ATF1: variants seen among roughly 807,000 people sequenced by gnomAD.
The protein encoded by ATF1 is cyclic AMP-dependent transcription factor ATF-1.
In ATF1, 16 loss-of-function variants were observed where a neutral mutation model predicts 34.7. The observed-to-expected ratio is 0.46, with a 90% confidence interval of 0.31 to 0.70. The LOEUF (loss-of-function observed/expected upper bound fraction) is 0.70, where lower values mean the gene tolerates loss of function less well. ATF1 is among the 30% of genes least tolerant of loss of function. The pLI is 0.05. For missense variants in ATF1, 255 were observed against 321.6 expected (o/e 0.79, Z 1.58); for synonymous variants, 105 against 113.1 (o/e 0.93, Z 0.46).
rs113892363 is a variant in ATF1, at chr12:50,784,877, T to A, written c.93+4639T>A. On this transcript the variant is annotated intron_variant, in intron 2 of 6. Transcript: ENST00000262053. ...TTTGGATTGGATGTGGAGTTTTATTTTTTATTTATTTATTTATTTATTATT... is the reference window on the plus strand; with the variant it reads ...TTTGGATTGGATGTGGAGTTTTATTATTTATTTATTTATTTATTTATTATT... 6.3e-3 allele frequency among the ~76,000 whole-genome samples: 946 copies of A among 151,318 alleles called. 7 individuals are homozygous for A. The highest frequency in any genetic ancestry group is 0.021 in the African/African-American group (883 of 41,384).
chr12:50,780,061 A>T lies in ATF1; in HGVS notation c.-6-79A>T. 8.5e-6 allele frequency: 9 copies of T among 1,062,576 alleles called. No homozygotes were observed. In the South Asian group the frequency reaches 1.4e-4, roughly 17 times the overall value. The allele number at this position is 1,062,576 out of a possible 1,614,324, so 65.8% of individuals were successfully genotyped here. On this transcript the variant is annotated intron_variant, in intron 1 of 6. Coordinates refer to ENST00000262053, the MANE Select transcript of ATF1 (RefSeq NM_005171.5). ...TTTCCATTGAGGCAACTAAATGATC[A>T]ATTTTTATATGATTCTATAGTATAC...
intron 3 of ATF1, among the ~76,000 whole-genome samples, chr12:50,803,946 A>T (rs1439300890): frequency 6.6e-6 from 1 of 152,202 alleles, no homozygotes; most frequent in Non-Finnish European, 1.5e-5. Flanking sequence ...CTTGGGAGAG[A>T]GGACAGAAGA....
At chr12:50,798,319 T>G (rs547302952) in intron 3 of ATF1, among the ~76,000 whole-genome samples, 2 of 151,766 alleles carry the variant, frequency 1.3e-5, no homozygotes, top group East Asian at 1.9e-4. Flanking sequence ...GGTTGTTGTT[T>G]TTTTTTTGAG....
chr12:50,799,666 A>C (rs1941476400), intron 3 of ATF1, among the ~76,000 whole-genome samples: 1 of 152,212 alleles, frequency 6.6e-6, no homozygotes, highest in Non-Finnish European at 1.5e-5. Flanking sequence ...CCAAAAATAG[A>C]GCATATAAAG....
chr12:50,798,386 G>A (rs1941451150), intron 3 of ATF1, among the ~76,000 whole-genome samples: 1 of 151,314 alleles, frequency 6.6e-6, no homozygotes, highest in South Asian at 2.1e-4. Flanking sequence ...TCGGCTCACT[G>A]CAAGCTCCGC....
intron 1 of ATF1, among the ~76,000 whole-genome samples, chr12:50,776,730 A>G (rs1306319772): frequency 6.6e-6 from 1 of 152,202 alleles, no homozygotes; most frequent in Non-Finnish European, 1.5e-5. Context: ...ACATTAAGTA[A>G]TTCTCTTTTT....
At chr12:50,787,921 T>C (rs927540744) in intron 2 of ATF1, among the ~76,000 whole-genome samples, 3 of 152,084 alleles carry the variant, frequency 2.0e-5, no homozygotes, top group Non-Finnish European at 4.4e-5. Flanking sequence ...TGGAATAATA[T>C]CTCTTTAACA....
intron 1 of ATF1, among the ~76,000 whole-genome samples, chr12:50,769,507 CAAA>C (rs1233845738): frequency 7.8e-6 from 1 of 127,766 alleles, no homozygotes; most frequent in East Asian, 2.2e-4. Flanking sequence ...GACTCCATCT[CAAA>C]AAAAAAAAAA....
At chr12:50,780,090 A>G (rs1174835475) in intron 1 of ATF1, 50 bp from the exon 2 acceptor site, 3 of 1,399,612 alleles carry the variant, frequency 2.1e-6, no homozygotes, top group Non-Finnish European at 3.0e-6. Context: ...AGTATACTGT[A>G]AACATTCTGT....
chr12:50,806,274 C>T, intron 3 of ATF1: 1 of 246,042 alleles, frequency 4.1e-6, no homozygotes. Flanking sequence ...TCAACCTCTC[C>T]ATTGGCCCAT....
chr12:50,766,625 T>G (rs1210654929), intron 1 of ATF1, among the ~76,000 whole-genome samples: 1 of 151,950 alleles, frequency 6.6e-6, no homozygotes, highest in Non-Finnish European at 1.5e-5. Flanking sequence ...CATCTAGCAT[T>G]AGGTATATCT....
intron 3 of ATF1, among the ~76,000 whole-genome samples, chr12:50,807,802 G>GTTTT (rs60898769): frequency 2.1e-5 from 3 of 141,880 alleles, no homozygotes; most frequent in Non-Finnish European, 3.1e-5. Flanking sequence ...TTGTGTGTGT[G>GTTTT]TTTTTTTTTT....
chr12:50,815,446 C>A (rs1408544586), intron 6 of ATF1, among the ~76,000 whole-genome samples: 1 of 152,008 alleles, frequency 6.6e-6, no homozygotes, highest in African/African-American at 2.4e-5. Context: ...AGTGCAGTGG[C>A]ACAATCTTGG....
chr12:50,777,640 G>A (rs1004983869), intron 1 of ATF1, among the ~76,000 whole-genome samples: 1 of 151,842 alleles, frequency 6.6e-6, no homozygotes, highest in South Asian at 2.1e-4. Context: ...AATTAACAAG[G>A]CATGGTGGTA....
chr12:50,781,555 A>C (rs1228509795), intron 2 of ATF1, among the ~76,000 whole-genome samples: 1 of 152,006 alleles, frequency 6.6e-6, no homozygotes, highest in Non-Finnish European at 1.5e-5. Context: ...GGTTCAAACG[A>C]TTCTCCTGCT....
chr12:50,784,097 A>C (rs1217076537), intron 2 of ATF1, among the ~76,000 whole-genome samples: 2 of 152,096 alleles, frequency 1.3e-5, no homozygotes, highest in Non-Finnish European at 2.9e-5. Flanking sequence ...CCAGAGGTCA[A>C]GGCTGCAGTG....
chr12:50,813,426 A>T (rs1592202933), intron 4 of ATF1, among the ~76,000 whole-genome samples: 1 of 152,176 alleles, frequency 6.6e-6, no homozygotes, highest in South Asian at 2.1e-4. Flanking sequence ...CATGTTATCT[A>T]TTCAGAAATA....
intron 1 of ATF1, among the ~76,000 whole-genome samples, chr12:50,772,644 A>G (rs1940804140): frequency 1.3e-5 from 2 of 151,604 alleles, no homozygotes. Context: ...CCATTTCTAA[A>G]GCTGGGGTGA....
At chr12:50,775,068 T>G (rs1388489415) in intron 1 of ATF1, among the ~76,000 whole-genome samples, 2 of 151,852 alleles carry the variant, frequency 1.3e-5, no homozygotes, top group Non-Finnish European at 2.9e-5. Flanking sequence ...ATATGTTGAT[T>G]CTTCATGTAT....
Sources: allele counts gnomAD v4.1 joint callset (sites outside exome capture counted in the v4.1 genomes callset), GRCh38; gene constraint gnomAD v4.1.1; transcripts MANE v1.5; gene names NCBI Gene and HGNC (gene_info 2026-07-23, HGNC 2026-07-21).